Variants in CSMD1 observed in about 807,000 individuals in gnomAD.
The protein encoded by CSMD1 is CUB and Sushi multiple domains 1, also known as CUB and sushi domain-containing protein 1.
A neutral mutation model predicts 417.5 loss-of-function variants in CSMD1; 213 were observed. The observed-to-expected ratio is 0.51, with a 90% confidence interval of 0.46 to 0.57. CSMD1 has a LOEUF of 0.57. CSMD1 is among the 20% of genes least tolerant of loss of function. CSMD1 has a pLI of 0.00. For synonymous variants in CSMD1, 2,862 were observed against 1,736.8 expected (o/e 1.65, Z -16.11); for missense variants, 6,923 against 4,529.7 (o/e 1.53, Z -15.17).
intron 26 of CSMD1, among the ~76,000 whole-genome samples, chr8:3,246,771 AC>A (rs1237763855): frequency 6.6e-6 from 1 of 152,092 alleles, no homozygotes; most frequent in Non-Finnish European, 1.5e-5. Flanking sequence ...CCGGGCCTGG[AC>A]TTTTTATTTT....
chr8:2,942,730 C>A, intron 68 of CSMD1, 126 bp from the exon 69 acceptor site: 1 of 665,652 alleles, frequency 1.5e-6, no homozygotes, highest in Non-Finnish European at 2.4e-6. Context: ...TCACAGGAAA[C>A]CAAATGATAT....
At chr8:3,371,224 C>A (rs1809925522) in intron 18 of CSMD1, among the ~76,000 whole-genome samples, 1 of 152,154 alleles carries the variant, frequency 6.6e-6, no homozygotes, top group Admixed American at 6.5e-5. Context: ...CCAATTCCCA[C>A]AATAAATCCT....
At chr8:3,609,020 C>T (rs532006620) in intron 8 of CSMD1, among the ~76,000 whole-genome samples, 93 of 152,248 alleles carry the variant, frequency 6.1e-4, no homozygotes, top group Middle Eastern at 3.4e-3. Context: ...CCCTTTCCAG[C>T]GGTCCTGCAT....
intron 10 of CSMD1, among the ~76,000 whole-genome samples, chr8:3,515,966 G>T (rs370628778): frequency 3.3e-5 from 5 of 152,124 alleles, no homozygotes; most frequent in African/African-American, 9.7e-5. Context: ...CAAACTGTTC[G>T]TTGCCAGTCA....
At chr8:3,321,922 G>A (rs1003402618) in intron 23 of CSMD1, among the ~76,000 whole-genome samples, 21 of 152,128 alleles carry the variant, frequency 1.4e-4, no homozygotes, top group Admixed American at 1.3e-3. Context: ...ATTTCAGAAT[G>A]GATTCAGTAT....
intron 5 of CSMD1, among the ~76,000 whole-genome samples, chr8:3,801,550 A>C (rs1002318397): frequency 1.3e-5 from 2 of 152,084 alleles, no homozygotes; most frequent in African/African-American, 4.8e-5. Flanking sequence ...GATATGCTGG[A>C]AGACAGTTTT....
At chr8:4,686,960 T>C (rs779993717) in intron 1 of CSMD1, among the ~76,000 whole-genome samples, 5 of 152,126 alleles carry the variant, frequency 3.3e-5, no homozygotes, top group Non-Finnish European at 7.4e-5. Context: ...ACGTCTCCAG[T>C]CCTGAACGGC....
chr8:4,840,390 G>A (rs746253736), intron 1 of CSMD1, among the ~76,000 whole-genome samples: 3 of 152,168 alleles, frequency 2.0e-5, no homozygotes, highest in Non-Finnish European at 4.4e-5. Context: ...TGCTACTAAT[G>A]TTGAACATAT....
At chr8:4,254,181 T>C (rs960756102) in intron 3 of CSMD1, among the ~76,000 whole-genome samples, 3 of 152,054 alleles carry the variant, frequency 2.0e-5, no homozygotes, top group African/African-American at 7.2e-5. Flanking sequence ...CCTCCCAAAG[T>C]GATGGGACTG....
At chr8:3,647,929 G>A (rs17066746) in intron 7 of CSMD1, among the ~76,000 whole-genome samples, 1 of 152,226 alleles carries the variant, frequency 6.6e-6, no homozygotes, top group East Asian at 1.9e-4. Flanking sequence ...TGTTTTGTTT[G>A]TAAGAGACAT....
intron 62 of CSMD1, among the ~76,000 whole-genome samples, chr8:2,958,913 T>C (rs1347909926): frequency 6.6e-6 from 1 of 152,130 alleles, no homozygotes; most frequent in Non-Finnish European, 1.5e-5. Flanking sequence ...TGCAAGGAAA[T>C]AGTTGGTACA....
At chr8:4,105,898 G>T (rs779552495) in intron 3 of CSMD1, among the ~76,000 whole-genome samples, 3 of 152,172 alleles carry the variant, frequency 2.0e-5, no homozygotes, top group Non-Finnish European at 2.9e-5. Context: ...GCTCTGTGCT[G>T]GCCCCTGCAG....
intron 1 of CSMD1, among the ~76,000 whole-genome samples, chr8:4,638,159 T>A (rs376708187): frequency 1.3e-5 from 2 of 152,186 alleles, no homozygotes; most frequent in East Asian, 3.9e-4. Context: ...CAATATCAAA[T>A]TTCAGTTCAT....
At chr8:3,769,957 C>T (rs556767310) in intron 5 of CSMD1, among the ~76,000 whole-genome samples, 1 of 152,310 alleles carries the variant, frequency 6.6e-6, no homozygotes, top group South Asian at 2.1e-4. Context: ...TGGGAAGAAG[C>T]CTTTGAAAGG....
At chr8:3,503,898 G>A (rs574988751) in intron 10 of CSMD1, among the ~76,000 whole-genome samples, 1 of 147,802 alleles carries the variant, frequency 6.8e-6, no homozygotes, top group South Asian at 2.2e-4. Context: ...CGACTTGGAT[G>A]AGATCAACTT....
intron 5 of CSMD1, among the ~76,000 whole-genome samples, chr8:3,780,998 G>A (rs1241511097): frequency 2.0e-5 from 3 of 152,150 alleles, no homozygotes; most frequent in Admixed American, 1.3e-4. Context: ...GACATTTTGT[G>A]TGACTCCTTG....
At chr8:4,034,388 G>T (rs545023430) in intron 3 of CSMD1, among the ~76,000 whole-genome samples, 1 of 152,172 alleles carries the variant, frequency 6.6e-6, no homozygotes, top group Non-Finnish European at 1.5e-5. Context: ...ACAGAAATCT[G>T]TTTGAAAACA....
intron 8 of CSMD1, among the ~76,000 whole-genome samples, chr8:3,609,568 C>T (rs1226000952): frequency 6.6e-6 from 1 of 151,806 alleles, no homozygotes; most frequent in African/African-American, 2.4e-5. Context: ...ATAAATGAAA[C>T]CAGATGAGGA....
At chr8:3,268,813 G>A (rs1448002498) in intron 26 of CSMD1, among the ~76,000 whole-genome samples, 8 of 152,104 alleles carry the variant, frequency 5.3e-5, no homozygotes, top group African/African-American at 1.7e-4. Flanking sequence ...CCAGGGTCCT[G>A]GGGGACAGTG....
Sources: allele counts gnomAD v4.1 joint callset (sites outside exome capture counted in the v4.1 genomes callset), GRCh38; gene constraint gnomAD v4.1.1; transcripts MANE v1.5; gene names NCBI Gene and HGNC (gene_info 2026-07-23, HGNC 2026-07-21).